Variants in SLAMF9 observed in about 807,000 individuals in gnomAD.
SLAMF9 encodes SLAM family member 9, also known as CD2 family member 10.
A neutral mutation model predicts 30.4 loss-of-function variants in SLAMF9; 25 were observed. The ratio of observed to expected loss-of-function variants is 0.82; its 90% CI spans 0.60 to 1.15. The LOEUF (loss-of-function observed/expected upper bound fraction) is 1.15. Among genes scored for constraint, SLAMF9 ranks in the 50% most tolerant of loss-of-function variants. The pLI, the probability that SLAMF9 is intolerant of heterozygous loss-of-function variation, is 0.00. For missense variants in SLAMF9, 344 were observed against 346.1 expected (o/e 0.99, Z 0.05); for synonymous variants, 129 against 127.2 (o/e 1.01, Z -0.09).
chr1:159,954,234 G>T lies in SLAMF9; in HGVS notation c.-97C>A. 2.2e-6 allele frequency: 3 copies of T among 1,392,444 alleles called. No individual in the cohort carries two copies. Among genetic ancestry groups the T allele is most frequent in the South Asian group, 1.2e-5 (1 of 81,956 alleles). 86.3% of individuals were successfully genotyped at this position (1,392,444 alleles called of 1,614,324 possible). A position where few individuals can be genotyped will look rare whatever the true frequency, so the allele number is the denominator to read the frequency against. On this transcript the variant is annotated 5_prime_UTR_variant, in exon 1 of 4. Transcript: ENST00000368093. ...GGAGGCTCCTAGACACAAAGAGCCT[G>T]ACTGATGGTCCTGAGAAAAGGGAAA...
the SLAMF9 span, among the ~76,000 whole-genome samples, chr1:159,970,438 TC>T: frequency 1.3e-5 from 2 of 152,186 alleles, no homozygotes; most frequent in Admixed American, 6.5e-5. Context: ...AAAAAATGCC[TC>T]CCAGTGGTAG....
the SLAMF9 span, among the ~76,000 whole-genome samples, chr1:159,963,117 C>T: frequency 1.3e-5 from 2 of 152,260 alleles, no homozygotes; most frequent in South Asian, 2.1e-4. Flanking sequence ...TCACAATACC[C>T]GCTTTATAGG....
At chr1:159,970,589 G>A in the SLAMF9 span, among the ~76,000 whole-genome samples, 2 of 152,180 alleles carry the variant, frequency 1.3e-5, no homozygotes, top group African/African-American at 4.8e-5. Context: ...GCATAGTTTG[G>A]ATACTGAGCT....
At chr1:159,962,898 A>G in the SLAMF9 span, among the ~76,000 whole-genome samples, 1 of 152,154 alleles carries the variant, frequency 6.6e-6, no homozygotes, top group African/African-American at 2.4e-5. Context: ...AGTTTGGAGG[A>G]TAAGTTATGG....
chr1:159,973,597 T>C, the SLAMF9 span, among the ~76,000 whole-genome samples: 4 of 152,160 alleles, frequency 2.6e-5, no homozygotes, highest in South Asian at 8.3e-4. Context: ...TCCCCCCTCC[T>C]TCCCCTGGCT....
the SLAMF9 span, among the ~76,000 whole-genome samples, chr1:159,967,456 T>A: frequency 2.6e-5 from 4 of 152,222 alleles, no homozygotes; most frequent in African/African-American, 9.6e-5. Context: ...TTTATTTCTG[T>A]TCCATTGGTT....
At chr1:159,976,971 AAGGAAAG>A in the SLAMF9 span, 3 of 40,116 alleles carry the variant, frequency 7.5e-5, no homozygotes, top group African/African-American at 1.6e-4. Context: ...AGAAAGAAAG[AAGGAAAG>A]AAGGAAAGAA....
the SLAMF9 span, among the ~76,000 whole-genome samples, chr1:159,962,990 C>G: frequency 6.6e-6 from 1 of 152,156 alleles, no homozygotes; most frequent in Non-Finnish European, 1.5e-5. Context: ...CTGCCCTTAC[C>G]TTTTTGAGTC....
the SLAMF9 span, among the ~76,000 whole-genome samples, chr1:159,975,047 C>A: frequency 1.3e-5 from 2 of 152,112 alleles, no homozygotes; most frequent in Non-Finnish European, 2.9e-5. Context: ...ACTCCTTCCC[C>A]AAGCAGTAAC....
chr1:159,952,407 C>G lies in SLAMF9; in HGVS notation c.519G>C (p.Gly173=), dbSNP rs747317951. Residue 173 remains glycine, a synonymous_variant, in exon 3 of 4, where the codon GGG becomes GGC. Transcript: ENST00000368093. ...MDMTYSWLSR[G]DSTYTFHEGP... is the part of the protein sequence containing the mutation. ...CTTCATGGAATGTATAAGTGCTATC[C>G]CCCCGGGAGAGCCAGCTGTAGGTCA... The G allele has an allele frequency of 3.7e-6, 6 of 1,614,070 alleles. No individual in the cohort carries two copies. In the South Asian group the frequency reaches 5.5e-5, roughly 15 times the overall value.
the SLAMF9 span, among the ~76,000 whole-genome samples, chr1:159,960,422 G>T: frequency 1.3e-5 from 2 of 151,338 alleles, no homozygotes; most frequent in African/African-American, 4.9e-5. Context: ...TTTGCACCTG[G>T]GCAGTCTGTT....
In SLAMF9 at chr1:159,952,280, C is replaced by G. The variant is rs750080669; in HGVS notation, c.646G>C (p.Asp216His). The G allele has an allele frequency of 6.2e-7, 1 of 1,614,026 alleles. No individual in the cohort carries two copies. The highest frequency in any genetic ancestry group is 8.5e-7 in the Non-Finnish European group (1 of 1,179,974). The change falls in exon 3 of 4, where the codon GAT becomes CAT. Residue 216 changes from aspartate to histidine, a missense_variant. Physicochemically the swap from Asp to His is moderately conservative, Grantham distance 81. Transcript: ENST00000368093. ...CTGGTACCTGCATAGAAGGGCCCATCAGGGATGGGGCAAGAACTGACGTTG... is the reference window on the plus strand; with the variant it reads ...CTGGTACCTGCATAGAAGGGCCCATGAGGGATGGGGCAAGAACTGACGTTG... ...ISNVSSCPIP[D>H]GPFYADPNYA...
the SLAMF9 span, chr1:159,983,349 C>T: frequency 2.6e-5 from 4 of 152,144 alleles, no homozygotes; most frequent in African/African-American, 9.7e-5. Flanking sequence ...TTGAGTGGAC[C>T]TGGACTGGAG....
upstream of SLAMF9, among the ~76,000 whole-genome samples, chr1:159,958,460 T>G (rs1049546871): frequency 1.1e-4 from 15 of 140,754 alleles, no homozygotes; most frequent in Non-Finnish European, 2.3e-4. Flanking sequence ...GTTTCTTCAC[T>G]TTTTTTTTTT....
Position 159,952,553 on chromosome 1 carries a change from C to T in SLAMF9, c.392-19G>A. The T allele has an allele frequency of 6.2e-7, 1 of 1,610,976 alleles. No individual in the cohort carries two copies. The highest frequency in any genetic ancestry group is 1.3e-5 in the African/African-American group (1 of 74,980). On this transcript the variant is annotated intron_variant, in intron 2 of 3. Transcript: ENST00000368093. ...AGCCATCCTGGATGAAGGGGAAACA[C>T]AAAGACCCTCTAAACAATCAGGGAT...
chr1:159,960,193 G>A, the SLAMF9 span, among the ~76,000 whole-genome samples: 1 of 127,292 alleles, frequency 7.9e-6, no homozygotes, highest in Non-Finnish European at 1.6e-5. Flanking sequence ...AGTCCCCGGT[G>A]TGTGATGTTC....
At chr1:159,979,092 A>G in the SLAMF9 span, 1 of 152,168 alleles carries the variant, frequency 6.6e-6, no homozygotes, top group African/African-American at 2.4e-5. Context: ...TTTAACTTCT[A>G]TTTGGTAATG....
chr1:159,953,245 C>T (rs540644973), intron 2 of SLAMF9, 64 bp downstream of exon 2: 4 of 1,393,886 alleles, frequency 2.9e-6, no homozygotes, highest in Admixed American at 1.9e-5. Context: ...GACGCCCACT[C>T]CATGGTGTGA....
upstream of SLAMF9, among the ~76,000 whole-genome samples, chr1:159,957,107 G>C (rs1284901426): frequency 8.9e-6 from 1 of 112,658 alleles, no homozygotes; most frequent in Non-Finnish European, 1.7e-5. Context: ...GGGAGACAGA[G>C]CGAGACTCTG....
Sources: gnomAD v4.1 joint callset for allele counts (sites outside exome capture counted in the v4.1 genomes callset) on GRCh38, gnomAD v4.1.1 for gene constraint, MANE v1.5 for transcripts, NCBI Gene and HGNC (gene_info 2026-07-23, HGNC 2026-07-21) for gene names.